Variants in ODR4 observed in about 807,000 individuals in gnomAD.
The protein encoded by ODR4 is protein odr-4 homolog.
ODR4 carries 47 observed loss-of-function variants against 60.2 expected under a neutral mutation model. The ratio of observed to expected loss-of-function variants is 0.78; its 90% CI spans 0.62 to 1.00. The LOEUF (loss-of-function observed/expected upper bound fraction) is 1.00. Among genes scored for constraint, ODR4 ranks in the 50% least tolerant of loss-of-function variants. ODR4 has a pLI of 0.00. For synonymous variants in ODR4, 178 were observed against 175.5 expected, an observed-to-expected ratio of 1.01 and a Z score of -0.11; for missense variants, 488 against 530.8, an observed-to-expected ratio of 0.92 and a Z score of 0.79.
At chr1:186,412,614 C>T (rs778167416) in intron 12 of ODR4, among the ~76,000 whole-genome samples, 13 of 151,962 alleles carry the variant, frequency 8.6e-5, no homozygotes, top group Non-Finnish European at 1.8e-4. Context: ...ACATAAACAT[C>T]CTATTTTTTT....
chr1:186,394,662 C>T (rs933692105), intron 9 of ODR4, among the ~76,000 whole-genome samples: 1 of 152,106 alleles, frequency 6.6e-6, no homozygotes, highest in Admixed American at 6.5e-5. Context: ...CAATATTATA[C>T]TGGATTTTGA....
In ODR4 at chr1:186,409,175, A is replaced by C. The variant is rs982239933; in HGVS notation, c.1186+2907A>C. Reference sequence around the variant, plus strand: ...ACCACTGCCGTTCAGCCTGGGTGACAGAGTAGGACCCTGTCTCAAAAAAAA... The same window carrying C: ...ACCACTGCCGTTCAGCCTGGGTGACCGAGTAGGACCCTGTCTCAAAAAAAA... On this transcript the variant is annotated intron_variant, in intron 12 of 13. Transcript: ENST00000287859. Among the ~76,000 whole-genome samples the C allele has an allele frequency of 2.6e-5, 4 of 151,350 alleles. No homozygotes were observed. The Admixed American group carries it at 2.7e-4, about 10-fold the overall frequency.
At chr1:186,410,950 G>A (rs1661358524) in intron 12 of ODR4, among the ~76,000 whole-genome samples, 1 of 152,048 alleles carries the variant, frequency 6.6e-6, no homozygotes, top group African/African-American at 2.4e-5. Context: ...GGAAGGCGGA[G>A]GTTGTGGTGA....
At chr1:186,398,291 T>C (rs1337025365) in intron 9 of ODR4, 22 bp from the exon 10 acceptor site, 1 of 1,559,290 alleles carries the variant, frequency 6.4e-7, no homozygotes, top group South Asian at 1.2e-5. Flanking sequence ...TTATTAGAAC[T>C]TAAACAGATT....
chr1:186,400,205 T>A (rs906646434), intron 11 of ODR4, among the ~76,000 whole-genome samples: 23 of 151,254 alleles, frequency 1.5e-4, no homozygotes, highest in Non-Finnish European at 3.1e-4. Flanking sequence ...TTAGCCAGGA[T>A]GGTCTCGATC....
chr1:186,393,488 C>A (rs922797074), intron 8 of ODR4, among the ~76,000 whole-genome samples: 1 of 152,114 alleles, frequency 6.6e-6, no homozygotes, highest in African/African-American at 2.4e-5. Flanking sequence ...ATAGCTTTGA[C>A]CTGAAGGAAG....
At chr1:186,405,770 T>TC (rs938440363) in intron 11 of ODR4, among the ~76,000 whole-genome samples, 4 of 152,088 alleles carry the variant, frequency 2.6e-5, no homozygotes, top group Admixed American at 2.6e-4. Context: ...CACGTTGGTC[T>TC]CCAACTCCTG....
At chr1:186,410,558 T>C (rs1407230564) in intron 12 of ODR4, among the ~76,000 whole-genome samples, 1 of 152,228 alleles carries the variant, frequency 6.6e-6, no homozygotes, top group African/African-American at 2.4e-5. Flanking sequence ...ATGCAGAGAA[T>C]GTAGTAAGGT....
intron 11 of ODR4, among the ~76,000 whole-genome samples, chr1:186,401,831 C>CTTTG (rs145626214): frequency 0.2 from 29,963 of 151,580 alleles, 3,477 homozygotes; most frequent in African/African-American, 0.32. Context: ...TTTTTTGTGT[C>CTTTG]TTTGGTTTTG....
intron 2 of ODR4, among the ~76,000 whole-genome samples, chr1:186,381,453 G>A (rs576392717): frequency 3.3e-4 from 50 of 151,708 alleles, no homozygotes; most frequent in African/African-American, 1.0e-3. Context: ...TCAGCCTCCC[G>A]AGTAGCTGGG....
At chr1:186,409,682 A>G (rs911884468) in intron 12 of ODR4, among the ~76,000 whole-genome samples, 1 of 152,272 alleles carries the variant, frequency 6.6e-6, no homozygotes. Flanking sequence ...AGTAGCTGGG[A>G]TTACAGGTGC....
Position 186,383,049 on chromosome 1 carries a change from C to G in ODR4, c.127C>G (p.Leu43Val). The G allele has an allele frequency of 6.3e-7, 1 of 1,583,750 alleles. No individual in the cohort carries two copies. Among genetic ancestry groups the G allele is most frequent in the Non-Finnish European group, 8.6e-7 (1 of 1,163,868 alleles). ...TTCGTCACAAAAGGATTATGTGATT[C>G]TTGCCACTAGAACGCCACCCAAAGA... ...QCSSQKDYVI[L>V]ATRTPPKEEQ... is the part of the protein sequence containing the mutation. The change falls in exon 3 of 14, where the codon CTT becomes GTT. Residue 43 changes from leucine to valine, a missense_variant. Physicochemically the swap from Leu to Val is conservative, Grantham distance 32. Transcript: ENST00000287859.
intron 12 of ODR4, chr1:186,411,907 C>T: frequency 1.3e-6 from 1 of 763,462 alleles, no homozygotes; most frequent in Non-Finnish European, 1.6e-6. Context: ...TGTATACTTA[C>T]ATGTATGCCA....
chr1:186,391,983 C>T (rs897289123), intron 8 of ODR4, among the ~76,000 whole-genome samples, 192 bp downstream of exon 8: 22 of 151,996 alleles, frequency 1.4e-4, no homozygotes, highest in African/African-American at 5.1e-4. Context: ...AGGATATGAA[C>T]AGACACTTTT....
intron 3 of ODR4, among the ~76,000 whole-genome samples, chr1:186,384,839 C>G (rs1436530110): frequency 6.6e-6 from 1 of 152,018 alleles, no homozygotes; most frequent in Non-Finnish European, 1.5e-5. Flanking sequence ...GAGGAAAACA[C>G]CGAAAGACAT....
At chr1:186,388,679 A>G in intron 5 of ODR4, 131 bp downstream of exon 5, 1 of 558,826 alleles carries the variant, frequency 1.8e-6, no homozygotes, top group South Asian at 2.6e-5. Context: ...TCTGTAAATA[A>G]CATGGAATTA....
chr1:186,385,483 T>G (rs745502100), intron 3 of ODR4, among the ~76,000 whole-genome samples: 4 of 151,488 alleles, frequency 2.6e-5, no homozygotes, highest in Non-Finnish European at 5.9e-5. Flanking sequence ...GAAGGCAGCT[T>G]CCTCAAGCTG....
intron 10 of ODR4, among the ~76,000 whole-genome samples, chr1:186,398,744 C>G (rs1340013221): frequency 6.6e-6 from 1 of 152,002 alleles, no homozygotes; most frequent in Non-Finnish European, 1.5e-5. Flanking sequence ...ATTCATTTAT[C>G]TGTTTTTAAC....
intron 7 of ODR4, 48 bp from the exon 8 acceptor site, chr1:186,391,648 T>G: frequency 4.2e-6 from 5 of 1,182,618 alleles, no homozygotes; most frequent in South Asian, 1.3e-5. Flanking sequence ...GAAGTTTAAT[T>G]GAGATGGCAT....
Sources: allele counts gnomAD v4.1 joint callset (sites outside exome capture counted in the v4.1 genomes callset), GRCh38; gene constraint gnomAD v4.1.1; transcripts MANE v1.5; gene names NCBI Gene and HGNC (gene_info 2026-07-23, HGNC 2026-07-21).